Variants in RGS7 observed in about 807,000 individuals in gnomAD.
The protein encoded by RGS7 is regulator of G-protein signaling 7.
Under a neutral mutation model 81.1 loss-of-function variants are expected in RGS7, and 27 were observed. The ratio of observed to expected loss-of-function variants is 0.33; its 90% CI spans 0.25 to 0.46. The LOEUF is 0.46. Ranked by LOEUF, RGS7 falls within the 20% of genes least tolerant of loss-of-function variation. RGS7 has a pLI of 1.00. For missense variants in RGS7, 396 were observed against 607.4 expected, an observed-to-expected ratio of 0.65 and a Z score of 3.66; for synonymous variants, 208 against 207.7, an observed-to-expected ratio of 1.00 and a Z score of -0.01.
rs2147882955 is a variant in RGS7 at position 240,842,016 on chromosome 1, C to T, written c.610-14844G>A. On this transcript the variant is annotated intron_variant, in intron 9 of 18. Transcript: ENST00000440928. ...GTGCAATAAAAATTGTTCCAACCTC[C>T]TCAGTGTATGAAATACTGCACGTAA... 1.3e-5 allele frequency among the ~76,000 whole-genome samples: 2 copies of T among 152,060 alleles called. 1 individual carries two copies. The highest frequency in any genetic ancestry group is 4.2e-4 in the South Asian group (2 of 4,804).
At chr1:241,169,869 A>C (rs1230488050) in intron 2 of RGS7, among the ~76,000 whole-genome samples, 5 of 152,044 alleles carry the variant, frequency 3.3e-5, no homozygotes, top group African/African-American at 1.2e-4. Flanking sequence ...CATTTATAAC[A>C]AGCATCCTCA....
intron 3 of RGS7, among the ~76,000 whole-genome samples, chr1:241,033,052 T>C (rs1039489232): frequency 6.6e-6 from 1 of 152,186 alleles, no homozygotes; most frequent in Non-Finnish European, 1.5e-5. Context: ...GTGGAAGTTC[T>C]GCTATATCAA....
intron 4 of RGS7, among the ~76,000 whole-genome samples, chr1:240,937,170 T>G (rs970980700): frequency 6.6e-6 from 1 of 152,168 alleles, no homozygotes; most frequent in Non-Finnish European, 1.5e-5. Flanking sequence ...GTGGTACGAC[T>G]CCAGCCAATG....
At chr1:240,845,243 C>A (rs955865886) in intron 9 of RGS7, among the ~76,000 whole-genome samples, 33 of 152,150 alleles carry the variant, frequency 2.2e-4, no homozygotes, top group African/African-American at 6.0e-4. Flanking sequence ...GCTGTGACTC[C>A]TTTCCAGCAG....
intron 2 of RGS7, among the ~76,000 whole-genome samples, chr1:241,347,370 C>T (rs760456569): frequency 4.6e-5 from 7 of 152,170 alleles, no homozygotes; most frequent in Non-Finnish European, 8.8e-5. Context: ...TTCTGACTCG[C>T]GGTCCTTTGA....
intron 2 of RGS7, among the ~76,000 whole-genome samples, chr1:241,201,615 C>A (rs113835856): frequency 4.0e-5 from 6 of 151,860 alleles, no homozygotes; most frequent in Non-Finnish European, 7.3e-5. Flanking sequence ...GAACCAACAC[C>A]ACTTTTTTTT....
intron 4 of RGS7, among the ~76,000 whole-genome samples, chr1:240,937,167 G>A (rs1025192647): frequency 2.6e-5 from 4 of 152,092 alleles, no homozygotes; most frequent in East Asian, 1.9e-4. Flanking sequence ...TGTGTGGTAC[G>A]ACTCCAGCCA....
At chr1:241,041,773 C>T (rs868588628) in intron 3 of RGS7, among the ~76,000 whole-genome samples, 4 of 152,140 alleles carry the variant, frequency 2.6e-5, no homozygotes, top group Non-Finnish European at 1.5e-5. Flanking sequence ...GCTCTTAGCA[C>T]CCAGGCTCAG....
intron 2 of RGS7, among the ~76,000 whole-genome samples, chr1:241,349,658 C>T (rs2083112950): frequency 6.6e-6 from 1 of 152,156 alleles, no homozygotes; most frequent in African/African-American, 2.4e-5. Flanking sequence ...ACTGGGCACC[C>T]ACTCTATCAT....
chr1:241,277,660 G>A (rs1336053887), intron 2 of RGS7, among the ~76,000 whole-genome samples: 1 of 151,830 alleles, frequency 6.6e-6, no homozygotes, highest in Non-Finnish European at 1.5e-5. Flanking sequence ...AACAAGCCAG[G>A]GTGTAAGCAT....
intron 9 of RGS7, among the ~76,000 whole-genome samples, chr1:240,867,591 A>C (rs1330676038): frequency 6.6e-6 from 1 of 152,232 alleles, no homozygotes; most frequent in Admixed American, 6.5e-5. Flanking sequence ...AAGCCAGCTA[A>C]GTTATTAGAG....
intron 2 of RGS7, among the ~76,000 whole-genome samples, chr1:241,318,384 T>C (rs185936696): frequency 7.4e-4 from 112 of 152,298 alleles, no homozygotes; most frequent in Non-Finnish European, 1.2e-3. Flanking sequence ...TGACATCATT[T>C]TAAAGTATTC....
intron 2 of RGS7, among the ~76,000 whole-genome samples, chr1:241,193,990 T>G (rs1271943394): frequency 6.6e-6 from 1 of 152,208 alleles, no homozygotes; most frequent in Non-Finnish European, 1.5e-5. Flanking sequence ...AATACTCTCT[T>G]AGGAATTCCC....
chr1:241,352,453 A>G (rs1187288437), intron 2 of RGS7, among the ~76,000 whole-genome samples: 1 of 152,254 alleles, frequency 6.6e-6, no homozygotes, highest in African/African-American at 2.4e-5. Context: ...CTTATGAAAA[A>G]GACAGCACTC....
At chr1:241,215,352 G>C (rs978371430) in intron 2 of RGS7, among the ~76,000 whole-genome samples, 9 of 152,072 alleles carry the variant, frequency 5.9e-5, no homozygotes, top group Non-Finnish European at 1.0e-4. Flanking sequence ...CTAACTTCAC[G>C]GGACTCATAC....
chr1:241,248,574 C>G (rs1168833505), intron 2 of RGS7, among the ~76,000 whole-genome samples: 2 of 151,766 alleles, frequency 1.3e-5, no homozygotes, highest in African/African-American at 2.4e-5. Flanking sequence ...TTATCTCTTC[C>G]TCATTTCCTG....
chr1:240,953,423 C>A (rs1308483597), intron 4 of RGS7, among the ~76,000 whole-genome samples: 1 of 151,586 alleles, frequency 6.6e-6, no homozygotes, highest in African/African-American at 2.4e-5. Flanking sequence ...AACTAGAAAT[C>A]AATAAAAGAA....
intron 9 of RGS7, among the ~76,000 whole-genome samples, chr1:240,866,024 G>C (rs761197992): frequency 1.3e-5 from 2 of 152,198 alleles, no homozygotes; most frequent in Non-Finnish European, 2.9e-5. Flanking sequence ...CTTTGGACAA[G>C]TGTCAGCATT....
At chr1:241,308,127 G>T (rs984645893) in intron 2 of RGS7, among the ~76,000 whole-genome samples, 3 of 151,798 alleles carry the variant, frequency 2.0e-5, no homozygotes, top group Non-Finnish European at 4.4e-5. Context: ...ATGATGCCAG[G>T]CTTTGCTGTT....
Sources: gnomAD v4.1 joint callset for allele counts (sites outside exome capture counted in the v4.1 genomes callset) on GRCh38, gnomAD v4.1.1 for gene constraint, MANE v1.5 for transcripts, NCBI Gene and HGNC (gene_info 2026-07-23, HGNC 2026-07-21) for gene names.